Variants in ZFP62 observed in about 807,000 individuals in gnomAD.
ZFP62 encodes the protein zinc finger protein 62 homolog.
A neutral mutation model predicts 56.4 loss-of-function variants in ZFP62; 44 were observed. That is an observed-to-expected ratio of 0.78 (90% CI 0.61 to 1.00). The LOEUF (loss-of-function observed/expected upper bound fraction) is 1.00, where lower values mean the gene tolerates loss of function less well. ZFP62 is among the 50% of genes least tolerant of loss of function. The pLI is 0.00. For synonymous variants in ZFP62, 421 were observed against 388.9 expected (o/e 1.08, Z -0.97); for missense variants, 1,030 against 1,085.7 (o/e 0.95, Z 0.72).
At chr5:180,840,995 AG>A in the ZFP62 span, among the ~76,000 whole-genome samples, 1 of 152,126 alleles carries the variant, frequency 6.6e-6, no homozygotes, top group Admixed American at 6.5e-5. Context: ...ATTTGTGCTG[AG>A]GTTTTTTTGT....
intron 1 of ZFP62, among the ~76,000 whole-genome samples, chr5:180,858,116 G>A (rs1774087005): frequency 6.7e-6 from 1 of 149,854 alleles, no homozygotes; most frequent in South Asian, 2.1e-4. Context: ...AATTAGCTGG[G>A]CATGGTGGTG....
chr5:180,850,665 C>G lies in ZFP62; in HGVS notation c.830G>C (p.Gly277Ala). The G allele has an allele frequency of 6.3e-7, 1 of 1,590,500 alleles. No individual in the cohort carries two copies. Among genetic ancestry groups the G allele is most frequent in the South Asian group, 1.1e-5 (1 of 88,250 alleles). The change falls in exon 2 of 2, where the codon GGG becomes GCG. Residue 277 changes from glycine to alanine, a missense_variant. Physicochemically the swap from Gly to Ala is moderately conservative, Grantham distance 60 (BLOSUM62 0). Coordinates refer to ENST00000502412, the MANE Select transcript of ZFP62 (RefSeq NM_001172638.2). ...GLRVHKRIHT[G>A]EKPYECDICG... is the part of the protein sequence containing the mutation. ...GATGTCGCATTCATAGGGCTTCTCC[C>G]CCGTGTGGATCCTTTTGTGGACTCT... is the stretch of plus-strand genomic sequence containing the variant.
downstream of ZFP62, among the ~76,000 whole-genome samples, chr5:180,846,249 G>C (rs1581955193): frequency 2.0e-5 from 3 of 152,164 alleles, no homozygotes; most frequent in Non-Finnish European, 2.9e-5. Context: ...GGCCGCAGTA[G>C]GAGCTTGTCT....
downstream of ZFP62, chr5:180,845,806 C>A (rs959143412): frequency 1.0e-6 from 1 of 985,414 alleles, no homozygotes; most frequent in Non-Finnish European, 1.2e-6. Flanking sequence ...ATTTCTGAAT[C>A]CCACGGAGGA....
intron 1 of ZFP62, among the ~76,000 whole-genome samples, chr5:180,857,274 C>G (rs1310099554): frequency 2.0e-5 from 3 of 152,110 alleles, no homozygotes; most frequent in Non-Finnish European, 4.4e-5. Context: ...CTGTAAGAAC[C>G]AGGTAGCATA....
intron 1 of ZFP62, 63 bp from the exon 2 acceptor site, chr5:180,851,556 G>A: frequency 7.0e-7 from 1 of 1,431,994 alleles, no homozygotes. Flanking sequence ...AAACAAACTG[G>A]AATAACAATG....
At chr5:180,840,814 TG>T in the ZFP62 span, among the ~76,000 whole-genome samples, 1 of 151,236 alleles carries the variant, frequency 6.6e-6, no homozygotes, top group Non-Finnish European at 1.5e-5. Flanking sequence ...TGTGTGTGTG[TG>T]TGTGTGTTGG....
the ZFP62 span, among the ~76,000 whole-genome samples, chr5:180,838,424 A>C: frequency 6.6e-6 from 1 of 152,248 alleles, no homozygotes. Flanking sequence ...AAAAAGATGC[A>C]ACACTCACAA....
At chr5:180,830,247 T>C in the ZFP62 span, 7 of 152,248 alleles carry the variant, frequency 4.6e-5, no homozygotes, top group South Asian at 1.5e-3. Flanking sequence ...ACTGCAGAGT[T>C]TGGGGAGGTC....
At chr5:180,860,836 G>C (rs1036791172) in intron 1 of ZFP62, 2 of 275,068 alleles carry the variant, frequency 7.3e-6, no homozygotes, top group Non-Finnish European at 1.4e-5. Context: ...GAAATGGTGG[G>C]TATTTTGAAG....
At position 180,850,556 on chromosome 5, in the gene ZFP62, C is replaced by T. The variant is rs562313876; in HGVS notation, c.939G>A (p.Glu313=). 1.2e-5 allele frequency: 18 copies of T among 1,557,060 alleles called. No individual in the cohort carries two copies. The Admixed American group carries it at 3.1e-4, about 27-fold the overall frequency. ...TACAAGTAATGAAGGCCTTCCCACA[C>T]TCATCACATTCGTAAGGTTTCTCAC... ...HTGEKPYECD[E]CGKAFITCRT... is the part of the protein sequence containing the mutation. The change falls in exon 2 of 2, where the codon GAG becomes GAA. Residue 313 remains glutamate (E), a synonymous_variant. Transcript: ENST00000502412.
chr5:180,833,919 T>G, the ZFP62 span, among the ~76,000 whole-genome samples: 1 of 152,146 alleles, frequency 6.6e-6, no homozygotes, highest in Admixed American at 6.5e-5. Context: ...TCCGCCCGCC[T>G]CGGCCTCCCA....
chr5:180,859,445 A>G (rs1774188596), intron 1 of ZFP62, among the ~76,000 whole-genome samples: 5 of 152,242 alleles, frequency 3.3e-5, no homozygotes, highest in Admixed American at 3.3e-4. Context: ...TGTTCTAGCT[A>G]CTGTTGCATT....
chr5:180,839,522 A>C, the ZFP62 span, among the ~76,000 whole-genome samples: 1 of 152,208 alleles, frequency 6.6e-6, no homozygotes, highest in Non-Finnish European at 1.5e-5. Flanking sequence ...GAAAAACCAA[A>C]TACCGCATGT....
chr5:180,833,723 C>T, the ZFP62 span, among the ~76,000 whole-genome samples: 14 of 149,562 alleles, frequency 9.4e-5, no homozygotes, highest in African/African-American at 3.4e-4. Context: ...CAGGCTGGAG[C>T]GCAGTGGCAC....
chr5:180,845,089 T>C (rs1773382181), downstream of ZFP62, among the ~76,000 whole-genome samples: 1 of 151,964 alleles, frequency 6.6e-6, no homozygotes, highest in African/African-American at 2.4e-5. Context: ...CTCAGCACCT[T>C]GGGAGTCTGA....
downstream of ZFP62, among the ~76,000 whole-genome samples, chr5:180,844,099 C>T (rs994768749): frequency 6.6e-6 from 1 of 152,232 alleles, no homozygotes; most frequent in Admixed American, 6.5e-5. Context: ...TTCAAAGCAG[C>T]AACCTTGACT....
the ZFP62 span, among the ~76,000 whole-genome samples, chr5:180,840,557 G>C: frequency 6.6e-6 from 1 of 152,102 alleles, no homozygotes; most frequent in Non-Finnish European, 1.5e-5. Flanking sequence ...AGGAGTTCGA[G>C]ACAAGCCTGG....
intron 1 of ZFP62, among the ~76,000 whole-genome samples, chr5:180,855,783 G>A (rs1256563758): frequency 6.6e-6 from 1 of 152,124 alleles, no homozygotes; most frequent in Non-Finnish European, 1.5e-5. Flanking sequence ...CTTAGTTTGA[G>A]CCTTCTAAAT....
Sources: gnomAD v4.1 joint callset for allele counts (sites outside exome capture counted in the v4.1 genomes callset) on GRCh38, gnomAD v4.1.1 for gene constraint, MANE v1.5 for transcripts, NCBI Gene and HGNC (gene_info 2026-07-23, HGNC 2026-07-21) for gene names.